HLCS: variants seen among roughly 807,000 people sequenced by gnomAD.
HLCS encodes holocarboxylase synthetase, also known as biotin--protein ligase.
A neutral mutation model predicts 75.0 loss-of-function variants in HLCS; 53 were observed. The observed-to-expected ratio is 0.71, with a 90% CI of 0.57 to 0.89. HLCS has a LOEUF of 0.89. Ranked by LOEUF, HLCS falls within the 40% of genes least tolerant of loss-of-function variation. The pLI, the probability that HLCS is intolerant of heterozygous loss-of-function variation, is 0.00. For synonymous variants in HLCS, 431 were observed against 428.6 expected, an observed-to-expected ratio of 1.01 and a Z score of -0.07; for missense variants, 966 against 1,074.0, an observed-to-expected ratio of 0.90 and a Z score of 1.41.
In HLCS at chr21:36,749,720, C is replaced by T. The variant is rs888699082; in HGVS notation, c.*4526G>A. The T allele has an allele frequency of 6.6e-6, 1 of 151,956 alleles. No homozygotes were observed. Among genetic ancestry groups the T allele is most frequent in the African/African-American group, 2.4e-5 (1 of 41,352 alleles). 9.4% of individuals were successfully genotyped at this position (151,956 alleles called of 1,614,324 possible). On this transcript the variant is annotated 3_prime_UTR_variant, in exon 11 of 11. Transcript: ENST00000674895. ...ATGTTCATGAGTCTTGTAATTAAAC[C>T]GTGATTCTTGAAAGGTGTAGGTTTG...
chr21:36,965,821 T>C lies in HLCS; in HGVS notation c.195+623A>G, dbSNP rs540775670. On this transcript the variant is annotated intron_variant, in intron 1 of 10. Coordinates refer to ENST00000674895, the MANE Select transcript of HLCS (RefSeq NM_001352514.2). ...ATCATAGCTCACTGTAGCTTCAAAC[T>C]CCGGGGCTCAAGTGAACCTCCCGGG... Among the ~76,000 whole-genome samples the C allele has an allele frequency of 2.0e-3, 297 of 151,176 alleles. 1 individual carries two copies. Among genetic ancestry groups the C allele is most frequent in the African/African-American group, 7.0e-3 (290 of 41,208 alleles).
chr21:36,781,132 A>C (rs1014645728), intron 6 of HLCS, among the ~76,000 whole-genome samples: 3 of 152,014 alleles, frequency 2.0e-5, no homozygotes, highest in Non-Finnish European at 4.4e-5. Flanking sequence ...CAAGGGATCT[A>C]GGTTGCATAC....
At chr21:36,966,245 C>G (rs2068569855) in intron 1 of HLCS, among the ~76,000 whole-genome samples, 199 bp downstream of exon 1, 1 of 152,266 alleles carries the variant, frequency 6.6e-6, no homozygotes, top group South Asian at 2.1e-4. Context: ...AAGAGGCGAC[C>G]GGGTCCGTGG....
At chr21:36,881,785 C>G (rs2064228487) in intron 6 of HLCS, among the ~76,000 whole-genome samples, 1 of 152,200 alleles carries the variant, frequency 6.6e-6, no homozygotes, top group South Asian at 2.1e-4. Flanking sequence ...CCTGAGGAAC[C>G]TGGCCTCTGA....
At chr21:36,855,751 AT>A (rs370476988) in intron 6 of HLCS, among the ~76,000 whole-genome samples, 19,084 of 151,560 alleles carry the variant, frequency 0.13, 1,517 homozygotes, top group Non-Finnish European at 0.18. Flanking sequence ...TAATTTTTGT[AT>A]TTTTTTGTAG....
At chr21:36,961,050 T>C (rs1453662519) in intron 2 of HLCS, among the ~76,000 whole-genome samples, 3 of 152,174 alleles carry the variant, frequency 2.0e-5, no homozygotes, top group African/African-American at 7.2e-5. Flanking sequence ...GGGAGTGCTG[T>C]TACAACTCAT....
chr21:36,808,534 G>T (rs2061423106), intron 6 of HLCS, among the ~76,000 whole-genome samples: 2 of 152,158 alleles, frequency 1.3e-5, no homozygotes, highest in African/African-American at 4.8e-5. Context: ...CTATAATAAA[G>T]AACTCTTCTC....
At chr21:36,844,127 C>T (rs1003232069) in intron 6 of HLCS, among the ~76,000 whole-genome samples, 3 of 152,132 alleles carry the variant, frequency 2.0e-5, no homozygotes, top group Non-Finnish European at 1.5e-5. Context: ...TCCCTCTCTC[C>T]GGTGCAGCAC....
intron 6 of HLCS, among the ~76,000 whole-genome samples, chr21:36,878,570 T>C (rs1243849227): frequency 6.6e-6 from 1 of 152,164 alleles, no homozygotes; most frequent in African/African-American, 2.4e-5. Context: ...AATAAAGGTA[T>C]TACTGCCCAC....
chr21:36,936,352 C>T, intron 4 of HLCS, 97 bp downstream of exon 4: 2 of 1,095,900 alleles, frequency 1.8e-6, no homozygotes, highest in Non-Finnish European at 2.8e-6. Flanking sequence ...CACACGAACT[C>T]CTGAAACTTT....
intron 6 of HLCS, among the ~76,000 whole-genome samples, chr21:36,847,193 G>A (rs764072092): frequency 1.4e-4 from 22 of 152,242 alleles, no homozygotes; most frequent in Non-Finnish European, 2.5e-4. Context: ...TGGGCAAGAC[G>A]ACCTGGCGTT....
intron 2 of HLCS, among the ~76,000 whole-genome samples, chr21:36,940,350 A>C (rs895318138): frequency 1.3e-5 from 2 of 151,934 alleles, no homozygotes; most frequent in Admixed American, 1.3e-4. Context: ...ATTTGTATTT[A>C]TTTATTTTTT....
chr21:36,807,493 C>T (rs1451146815), intron 6 of HLCS, among the ~76,000 whole-genome samples: 2 of 152,196 alleles, frequency 1.3e-5, no homozygotes, highest in African/African-American at 2.4e-5. Flanking sequence ...GAACTGACCA[C>T]CCTAAGGGGC....
chr21:36,760,232 C>T (rs1304980038), intron 8 of HLCS, among the ~76,000 whole-genome samples: 1 of 152,112 alleles, frequency 6.6e-6, no homozygotes, highest in South Asian at 2.1e-4. Context: ...TCTCAGGGGG[C>T]GTCTCCCTTC....
intron 2 of HLCS, among the ~76,000 whole-genome samples, chr21:36,960,129 C>T (rs2068203452): frequency 7.1e-5 from 1 of 14,064 alleles, no homozygotes; most frequent in African/African-American, 3.0e-4. Flanking sequence ...ATGGAGCCAC[C>T]CACCCCCCCC....
chr21:36,857,683 G>A (rs1195304033), intron 6 of HLCS, among the ~76,000 whole-genome samples: 2 of 152,156 alleles, frequency 1.3e-5, no homozygotes, highest in Non-Finnish European at 2.9e-5. Flanking sequence ...AAGTTCTGGT[G>A]GCTTCATCCA....
chr21:36,845,986 C>T (rs548401098), intron 6 of HLCS, among the ~76,000 whole-genome samples: 2 of 152,260 alleles, frequency 1.3e-5, no homozygotes, highest in Non-Finnish European at 2.9e-5. Flanking sequence ...TGAGTGACCT[C>T]GAAGCCTCTG....
At position 36,749,508 on chromosome 21, in the gene HLCS, A is replaced by G. The variant is rs2089302557; in HGVS notation, c.*4738T>C. On this transcript the variant is annotated 3_prime_UTR_variant, in exon 11 of 11. Transcript: ENST00000674895. ...TTAGTGAGGACCTGACACAATCCCTACAGGGTGTCTGTCAGTGGGCCTCAT... is the reference window on the plus strand; with the variant it reads ...TTAGTGAGGACCTGACACAATCCCTGCAGGGTGTCTGTCAGTGGGCCTCAT... The G allele has an allele frequency of 1.4e-5, 2 of 144,566 alleles. No homozygotes were observed. The highest frequency in any genetic ancestry group is 4.3e-4 in the South Asian group (2 of 4,644). The allele number at this position is 144,566 out of a possible 1,614,324, so 9.0% of individuals were successfully genotyped here.
intron 6 of HLCS, among the ~76,000 whole-genome samples, chr21:36,772,638 C>CA (rs34788426): frequency 0.078 from 6,332 of 80,664 alleles, 325 homozygotes; most frequent in African/African-American, 0.13. Context: ...GACACTGTCT[C>CA]AAAAAAAAAA....
Sources: allele counts gnomAD v4.1 joint callset (sites outside exome capture counted in the v4.1 genomes callset), GRCh38; gene constraint gnomAD v4.1.1; transcripts MANE v1.5; gene names NCBI Gene and HGNC (gene_info 2026-07-23, HGNC 2026-07-21).